The following GRM7 variants were observed in gnomAD, a reference collection of about 807,000 sequenced individuals.
The protein encoded by GRM7 is glutamate metabotropic receptor 7, also known as metabotropic glutamate receptor 7.
A neutral mutation model predicts 84.5 loss-of-function variants in GRM7; 35 were observed. The observed-to-expected ratio is 0.41, with a 90% confidence interval of 0.32 to 0.55. GRM7 has a LOEUF of 0.55. Among genes scored for constraint, GRM7 ranks in the 20% least tolerant of loss-of-function variants. The pLI, the probability that GRM7 is intolerant of heterozygous loss-of-function variation, is 0.19. For missense variants in GRM7, 1,003 were observed against 1,194.6 expected (o/e 0.84, Z 2.36); for synonymous variants, 487 against 455.1 (o/e 1.07, Z -0.89).
chr3:7,616,564 C>T (rs1296352875), intron 8 of GRM7, among the ~76,000 whole-genome samples: 2 of 152,138 alleles, frequency 1.3e-5, no homozygotes, highest in African/African-American at 2.4e-5. Context: ...CCTGCTACAA[C>T]CCTCAAGTGT....
At chr3:7,210,794 G>A (rs1355944931) in intron 2 of GRM7, among the ~76,000 whole-genome samples, 1 of 91,022 alleles carries the variant, frequency 1.1e-5, no homozygotes, top group Admixed American at 1.2e-4. Flanking sequence ...TGAACATGCT[G>A]TGTATTGTTT....
At chr3:7,575,164 G>A (rs1694899386) in intron 7 of GRM7, among the ~76,000 whole-genome samples, 1 of 152,116 alleles carries the variant, frequency 6.6e-6, no homozygotes, top group African/African-American at 2.4e-5. Flanking sequence ...GTAAAGTTCT[G>A]TTCTCTTGCC....
At chr3:7,594,938 C>CTGTGTG (rs3840238) in intron 8 of GRM7, among the ~76,000 whole-genome samples, 80 of 150,118 alleles carry the variant, frequency 5.3e-4, no homozygotes, top group South Asian at 2.3e-3. Flanking sequence ...GTCTTCCTTT[C>CTGTGTG]TGTGTGTGTG....
At chr3:7,178,561 G>A (rs1022737121) in intron 2 of GRM7, among the ~76,000 whole-genome samples, 1 of 152,012 alleles carries the variant, frequency 6.6e-6, no homozygotes, top group Admixed American at 6.6e-5. Flanking sequence ...AGGTTTATAC[G>A]CTGAATGTGA....
rs151336382 is a variant in GRM7, at chr3:7,735,011, C to T, written c.2699-5346C>T. ...AAGGGCAATTTACTAATGAAATGAACAGGCAGGAAACAGGCCATTGACTAC... is the reference window on the plus strand; with the variant it reads ...AAGGGCAATTTACTAATGAAATGAATAGGCAGGAAACAGGCCATTGACTAC... On this transcript the variant is annotated intron_variant, in intron 9 of 9. Transcript: ENST00000357716. Among the ~76,000 whole-genome samples, 703 of 151,964 alleles carry T rather than the reference C, an allele frequency of 4.6e-3. 12 individuals carry two copies. Among genetic ancestry groups the T allele is most frequent in the African/African-American group, 0.016 (665 of 41,330 alleles).
intron 5 of GRM7, among the ~76,000 whole-genome samples, chr3:7,427,212 T>G (rs985070261): frequency 6.6e-5 from 10 of 152,216 alleles, no homozygotes; most frequent in Non-Finnish European, 1.5e-4. Context: ...TTCAATAAAC[T>G]GTAATATATT....
chr3:7,099,711 CAT>C (rs1699030081), intron 1 of GRM7, among the ~76,000 whole-genome samples: 1 of 82,896 alleles, frequency 1.2e-5, no homozygotes, highest in African/African-American at 1.4e-4. Flanking sequence ...ACGCATTATA[CAT>C]GTGCACATAC....
At chr3:7,577,156 G>C (rs1373658225) in intron 7 of GRM7, among the ~76,000 whole-genome samples, 1 of 152,178 alleles carries the variant, frequency 6.6e-6, no homozygotes, top group African/African-American at 2.4e-5. Context: ...GGGACATAAT[G>C]ATGCCATCTC....
intron 4 of GRM7, among the ~76,000 whole-genome samples, chr3:7,387,088 C>G (rs936722059): frequency 2.7e-4 from 41 of 152,046 alleles, no homozygotes; most frequent in African/African-American, 9.4e-4. Context: ...AGACATTTCT[C>G]AAAAGAAGTC....
chr3:7,656,523 AT>A (rs59112513), intron 8 of GRM7, among the ~76,000 whole-genome samples: 2,324 of 52,784 alleles, frequency 0.044, 77 homozygotes, highest in African/African-American at 0.11. Flanking sequence ...ATAAAAAAAA[AT>A]ATATATATAT....
intron 1 of GRM7, among the ~76,000 whole-genome samples, chr3:7,056,631 A>C (rs1023526374): frequency 1.3e-5 from 2 of 152,022 alleles, no homozygotes; most frequent in African/African-American, 4.8e-5. Context: ...CTACTACGGA[A>C]GATAACTACT....
intron 1 of GRM7, among the ~76,000 whole-genome samples, chr3:6,872,224 T>C (rs1286669837): frequency 6.6e-6 from 1 of 152,220 alleles, no homozygotes; most frequent in Non-Finnish European, 1.5e-5. Context: ...GACATACTTA[T>C]ATGCTAATCA....
intron 7 of GRM7, among the ~76,000 whole-genome samples, chr3:7,528,164 G>T (rs1200379142): frequency 6.6e-6 from 1 of 151,850 alleles, no homozygotes; most frequent in African/African-American, 2.4e-5. Flanking sequence ...GCGTTGTTTT[G>T]GTTGGTAGAT....
chr3:7,388,034 T>G (rs1357667720), intron 4 of GRM7, among the ~76,000 whole-genome samples: 1 of 152,190 alleles, frequency 6.6e-6, no homozygotes, highest in Non-Finnish European at 1.5e-5. Flanking sequence ...CCTAGGTATC[T>G]TATTGTTTTC....
intron 1 of GRM7, among the ~76,000 whole-genome samples, chr3:6,956,928 G>T (rs1693077535): frequency 6.6e-6 from 1 of 152,102 alleles, no homozygotes; most frequent in Non-Finnish European, 1.5e-5. Context: ...AAAATAACAT[G>T]CAATGATACT....
intron 1 of GRM7, among the ~76,000 whole-genome samples, chr3:6,892,138 A>T (rs1347256702): frequency 6.6e-6 from 1 of 151,944 alleles, no homozygotes; most frequent in African/African-American, 2.4e-5. Context: ...ATTCGTCTAA[A>T]TTTTTTTCTC....
At chr3:7,178,241 A>G (rs891354937) in intron 2 of GRM7, among the ~76,000 whole-genome samples, 2 of 152,324 alleles carry the variant, frequency 1.3e-5, no homozygotes, top group African/African-American at 4.8e-5. Context: ...AACATCTCCA[A>G]TATATTAGAC....
At chr3:7,167,835 GGCA>G (rs1295687988) in intron 2 of GRM7, among the ~76,000 whole-genome samples, 2 of 151,740 alleles carry the variant, frequency 1.3e-5, no homozygotes, top group Non-Finnish European at 2.9e-5. Flanking sequence ...TAGGCGTGGT[GGCA>G]GGCACCTGTA....
chr3:7,615,635 C>T (rs1162948189), intron 8 of GRM7, among the ~76,000 whole-genome samples: 7 of 152,006 alleles, frequency 4.6e-5, no homozygotes, highest in South Asian at 4.1e-4. Flanking sequence ...TCTATGTAGT[C>T]TTCCTAGGTT....
Sources: gnomAD v4.1 joint callset for allele counts (sites outside exome capture counted in the v4.1 genomes callset) on GRCh38, gnomAD v4.1.1 for gene constraint, MANE v1.5 for transcripts, NCBI Gene and HGNC (gene_info 2026-07-23, HGNC 2026-07-21) for gene names.